The following KIF23 variants were observed in gnomAD, a reference collection of about 807,000 sequenced individuals.
KIF23 encodes kinesin-like protein KIF23.
KIF23 carries 30 observed loss-of-function variants against 137.5 expected under a neutral mutation model. The ratio of observed to expected loss-of-function variants is 0.22; its 90% CI spans 0.16 to 0.30. The LOEUF is 0.30. Among genes scored for constraint, KIF23 ranks in the 10% least tolerant of loss-of-function variants. KIF23 has a pLI of 1.00. For synonymous variants in KIF23, 367 were observed against 391.1 expected (o/e 0.94, Z 0.73); for missense variants, 920 against 1,194.3 (o/e 0.77, Z 3.38).
chr15:69,429,970 T>C (rs2057313853), intron 11 of KIF23, among the ~76,000 whole-genome samples: 1 of 152,058 alleles, frequency 6.6e-6, no homozygotes, highest in South Asian at 2.1e-4. Context: ...CAATCCCTGA[T>C]CTCACCACTG....
Position 69,414,366 on chromosome 15 carries a change from A to G in KIF23, c.-100A>G. The G allele has an allele frequency of 6.7e-7, 1 of 1,503,718 alleles. No individual in the cohort carries two copies. The highest frequency in any genetic ancestry group is 9.0e-7 in the Non-Finnish European group (1 of 1,112,444). 93.1% of individuals were successfully genotyped at this position (1,503,718 alleles called of 1,614,324 possible). A position where few individuals can be genotyped will look rare whatever the true frequency, so the allele number is the denominator to read the frequency against. On this transcript the variant is annotated 5_prime_UTR_variant, in exon 1 of 24. Coordinates refer to ENST00000679126, the MANE Select transcript of KIF23 (RefSeq NM_001367805.3). ...CCGGCTTCGCAGAGCACCGCGCCTTAGCCGCGAAGTTCTAGTTCTTGCTGC... is the reference window on the plus strand; with the variant it reads ...CCGGCTTCGCAGAGCACCGCGCCTTGGCCGCGAAGTTCTAGTTCTTGCTGC...
At chr15:69,437,456 CTTT>C (rs772460557) in intron 15 of KIF23, among the ~76,000 whole-genome samples, 6 of 120,560 alleles carry the variant, frequency 5.0e-5, no homozygotes, top group Non-Finnish European at 6.9e-5. Flanking sequence ...AATGTATCTA[CTTT>C]TTTTTTTTTT....
intron 22 of KIF23, 79 bp downstream of exon 22, chr15:69,446,443 A>G (rs897458131): frequency 1.6e-5 from 18 of 1,133,642 alleles, no homozygotes; most frequent in Non-Finnish European, 2.4e-5. Context: ...CTAGATTTTT[A>G]TGCTCTTTGA....
intron 19 of KIF23, among the ~76,000 whole-genome samples, chr15:69,441,592 G>A (rs189598564): frequency 6.6e-6 from 1 of 152,160 alleles, no homozygotes; most frequent in East Asian, 1.9e-4. Flanking sequence ...ATATAGATAT[G>A]TAAACCTTTT....
chr15:69,420,208 G>T (rs1445988694), intron 3 of KIF23, among the ~76,000 whole-genome samples: 1 of 152,034 alleles, frequency 6.6e-6, no homozygotes, highest in Non-Finnish European at 1.5e-5. Flanking sequence ...AGGTTGCAGT[G>T]AGCCGAGATC....
intron 1 of KIF23, 163 bp downstream of exon 1, chr15:69,414,639 T>G (rs2056844060): frequency 6.9e-6 from 5 of 724,280 alleles, no homozygotes; most frequent in Non-Finnish European, 9.9e-6. Flanking sequence ...AACCTCCACG[T>G]GTGGCCGCTC....
At chr15:69,445,442 G>A (rs2057719431) in intron 20 of KIF23, among the ~76,000 whole-genome samples, 1 of 151,670 alleles carries the variant, frequency 6.6e-6, no homozygotes, top group African/African-American at 2.4e-5. Flanking sequence ...AAATTACTCA[G>A]TATTGAGCTG....
At chr15:69,440,267 G>T in intron 17 of KIF23, 41 bp from the exon 18 acceptor site, 1 of 1,580,866 alleles carries the variant, frequency 6.3e-7, no homozygotes, top group African/African-American at 1.4e-5. Context: ...CTCGTTTGCT[G>T]TGATGGAATG....
chr15:69,425,282 G>T lies in KIF23; in HGVS notation c.735G>T (p.Lys245Asn), dbSNP rs1175183777. ...AACTTCTACCTTATTCCTTTGGTAGGTGGAACAGTTGCAGCACACCCATGA... is the reference window on the plus strand; with the variant it reads ...AACTTCTACCTTATTCCTTTGGTAGTTGGAACAGTTGCAGCACACCCATGA... ...EEVPFDPIKP[K>N]WNSCSTPMRN... Residue 245 changes from lysine (K) to asparagine (N), a missense_variant and splice_region_variant, in exon 8 of 24, where the codon AAG becomes AAT. Transcript: ENST00000679126. 4 of 1,535,908 alleles carry T rather than the reference G, an allele frequency of 2.6e-6. No individual in the cohort carries two copies. Among genetic ancestry groups the T allele is most frequent in the Non-Finnish European group, 2.6e-6 (3 of 1,146,748 alleles).
At chr15:69,440,161 TATTTGC>T (rs2057579901) in intron 17 of KIF23, 84 bp downstream of exon 17, 29 of 1,518,422 alleles carry the variant, frequency 1.9e-5, no homozygotes, top group Non-Finnish European at 2.2e-5. Context: ...TGAATTATTG[TATTTGC>T]GGTAGGGTTT....
intron 19 of KIF23, among the ~76,000 whole-genome samples, chr15:69,442,903 A>G (rs2057654762): frequency 6.6e-6 from 1 of 152,246 alleles, no homozygotes; most frequent in South Asian, 2.1e-4. Context: ...GACTGAATTT[A>G]TACTTCAGTG....
chr15:69,414,750 T>C, intron 1 of KIF23: 1 of 375,200 alleles, frequency 2.7e-6, no homozygotes, highest in Non-Finnish European at 4.7e-6. Flanking sequence ...CGGGGTTGTT[T>C]TACGCCGCAC....
intron 6 of KIF23, 26 bp downstream of exon 6, chr15:69,422,461 A>G: frequency 1.5e-6 from 2 of 1,309,348 alleles, no homozygotes; most frequent in East Asian, 2.3e-5. Context: ...TGTCTGCAGC[A>G]CTGGCCTAGG....
chr15:69,426,691 G>T, intron 10 of KIF23: 1 of 472,204 alleles, frequency 2.1e-6, no homozygotes, highest in Middle Eastern at 5.6e-4. Flanking sequence ...CTGTAGTCCA[G>T]CCTGGGTGAC....
chr15:69,447,046 T>TA, intron 23 of KIF23, 105 bp downstream of exon 23: 1 of 1,127,668 alleles, frequency 8.9e-7, no homozygotes. Flanking sequence ...TCAGAAGAAA[T>TA]ATATGGTTTT....
At chr15:69,434,452 T>G in intron 11 of KIF23, 1 of 494,482 alleles carries the variant, frequency 2.0e-6, no homozygotes, top group Non-Finnish European at 3.8e-6. Context: ...CTGAAACTTG[T>G]TAAGAGATGC....
chr15:69,423,130 C>T (rs536248956), intron 6 of KIF23, 29 bp from the exon 7 acceptor site: 38 of 1,395,080 alleles, frequency 2.7e-5, no homozygotes, highest in Middle Eastern at 2.5e-4. Context: ...GGACTTATAA[C>T]GTATACAATT....
At chr15:69,424,115 CATT>C (rs768887009) in intron 7 of KIF23, among the ~76,000 whole-genome samples, 3 of 152,130 alleles carry the variant, frequency 2.0e-5, no homozygotes, top group Non-Finnish European at 4.4e-5. Flanking sequence ...TTTAGAAAAT[CATT>C]AGACTGAGAA....
At chr15:69,417,764 G>A (rs192595287) in intron 3 of KIF23, among the ~76,000 whole-genome samples, 83 of 152,300 alleles carry the variant, frequency 5.4e-4, no homozygotes, top group African/African-American at 2.0e-3. Flanking sequence ...TAGAGCATGT[G>A]TTAGGGATGA....
Sources: gnomAD v4.1 joint callset for allele counts (sites outside exome capture counted in the v4.1 genomes callset) on GRCh38, gnomAD v4.1.1 for gene constraint, MANE v1.5 for transcripts, NCBI Gene and HGNC (gene_info 2026-07-23, HGNC 2026-07-21) for gene names.